DLG5: variants seen among roughly 807,000 people sequenced by gnomAD.
The protein encoded by DLG5 is discs large MAGUK scaffold protein 5, also known as disks large homolog 5.
Under a neutral mutation model 189.8 loss-of-function variants are expected in DLG5, and 48 were observed. That is an observed-to-expected ratio of 0.25 (90% CI 0.20 to 0.32). The LOEUF is 0.32. Ranked by LOEUF, DLG5 falls within the 10% of genes least tolerant of loss-of-function variation. The pLI is 1.00. For synonymous variants in DLG5, 1,016 were observed against 1,054.1 expected (o/e 0.96, Z 0.70); for missense variants, 2,160 against 2,544.7 (o/e 0.85, Z 3.25).
chr10:77,881,421 C>G (rs180702072), intron 1 of DLG5, among the ~76,000 whole-genome samples: 2 of 152,186 alleles, frequency 1.3e-5, no homozygotes, highest in Admixed American at 1.3e-4. Flanking sequence ...GGCCATCTTT[C>G]CAACAGAAGG....
intron 1 of DLG5, among the ~76,000 whole-genome samples, chr10:77,890,313 T>C (rs1589256873): frequency 6.6e-6 from 1 of 152,160 alleles, no homozygotes; most frequent in East Asian, 1.9e-4. Flanking sequence ...CTACCTGTCC[T>C]ACCTCCAAGC....
rs1436397920 is a variant in DLG5 at position 77,853,210 on chromosome 10, C to A, written c.864+144G>T. 33 of 654,772 alleles carry A rather than the reference C, an allele frequency of 5.0e-5. No individual in the cohort carries two copies. The East Asian group carries it at 9.2e-4, about 18-fold the overall frequency. The allele number at this position is 654,772 out of a possible 1,614,324, so 40.6% of individuals were successfully genotyped here. ...GTTGCCCAGGCTCATCTCAAGCAATCTCTCACCTTGGTCTTCCAAAGCGCT... is the reference window on the plus strand; with the variant it reads ...GTTGCCCAGGCTCATCTCAAGCAATATCTCACCTTGGTCTTCCAAAGCGCT... On this transcript the variant is annotated intron_variant, in intron 5 of 31. Transcript: ENST00000372391.
chr10:77,823,003 T>C (rs972896045), intron 14 of DLG5, among the ~76,000 whole-genome samples: 2 of 152,210 alleles, frequency 1.3e-5, no homozygotes, highest in African/African-American at 2.4e-5. Flanking sequence ...TGTCATCACC[T>C]GCATCAAAAC....
chr10:77,809,043 G>A (rs955081664), intron 24 of DLG5, among the ~76,000 whole-genome samples: 3 of 151,486 alleles, frequency 2.0e-5, no homozygotes, highest in East Asian at 3.9e-4. Flanking sequence ...AGGTTGTGGT[G>A]AGTTGAGATT....
rs370602553 is a variant in DLG5, at chr10:77,926,268, T to A, written c.253A>T (p.Ile85Phe). The A allele has an allele frequency of 2.5e-6, 4 of 1,576,812 alleles. No homozygotes were observed. Reference protein sequence around the residue: ...LEKTQPHLLPILYLNGVVGPP... With the variant: ...LEKTQPHLLPFLYLNGVVGPP... ...CCGACGACGCCGTTCAGGTAGAGAA[T>A]GGGCAGCAGGTGAGGCTGCGTCTTC... The change falls in exon 1 of 32, where the codon ATT (isoleucine) becomes TTT (phenylalanine). Residue 85 changes from isoleucine (I) to phenylalanine (F), a missense_variant. Ile to Phe is a conservative substitution (Grantham distance 21). This residue lies in a region of DLG5 where 664 missense variants were observed against 838.5 expected (regional missense o/e 0.79). Coordinates refer to ENST00000372391, the MANE Select transcript of DLG5 (RefSeq NM_004747.4). The surrounding 1 kb of genome is among the most constrained non-coding windows in gnomAD (Gnocchi z 5.2).
At chr10:77,831,087 TA>T (rs1195762281) in intron 9 of DLG5, among the ~76,000 whole-genome samples, 1 of 152,172 alleles carries the variant, frequency 6.6e-6, no homozygotes, top group Non-Finnish European at 1.5e-5. Context: ...TCCCCAAATT[TA>T]TCTAGAGGTT....
chr10:77,869,110 C>T lies in DLG5; in HGVS notation c.373+19G>A. On this transcript the variant is annotated intron_variant, in intron 2 of 31. Transcript: ENST00000372391. Reference sequence around the variant, plus strand: ...GACCCCTGGCCCACCCGGTGTCCTCCCCAGACAGTGGTACTCACCCACACT... The same window carrying T: ...GACCCCTGGCCCACCCGGTGTCCTCTCCAGACAGTGGTACTCACCCACACT... The T allele has an allele frequency of 1.2e-6, 2 of 1,612,402 alleles. No individual in the cohort carries two copies. The highest frequency in any genetic ancestry group is 1.7e-6 in the Non-Finnish European group (2 of 1,178,754).
rs746725536 is a variant in DLG5 at position 77,829,418 on chromosome 10, G to A, written c.2122C>T (p.Arg708Trp). 1.2e-6 allele frequency: 2 copies of A among 1,614,188 alleles called. No homozygotes were observed. The highest frequency in any genetic ancestry group is 1.7e-6 in the Non-Finnish European group (2 of 1,180,028). ...GEGAINMVVR[R>W]RKSLGGKVVT... The stretch of plus-strand genomic sequence containing the variant: ...ACCTTCCCACCCAGGGACTTCCTCC[G>A]CCGCACGACCATGTTGATGGCCCCC... Residue 708 changes from arginine to tryptophan, a missense_variant, in exon 12 of 32, where the codon CGG becomes TGG. Coordinates refer to ENST00000372391, the MANE Select transcript of DLG5 (RefSeq NM_004747.4).
chr10:77,912,199 G>A (rs1846242038), intron 1 of DLG5: 1 of 102,094 alleles, frequency 9.8e-6, no homozygotes, highest in African/African-American at 4.3e-5. Context: ...GTAAGACCCT[G>A]TCTCTTTAAA....
intron 1 of DLG5, among the ~76,000 whole-genome samples, chr10:77,902,878 T>C (rs1057431816): frequency 7.0e-6 from 1 of 143,016 alleles, no homozygotes; most frequent in African/African-American, 2.9e-5. Flanking sequence ...AATAAAAAAA[T>C]AAATAAATAA....
chr10:77,869,320 C>T, intron 1 of DLG5, 123 bp from the exon 2 acceptor site: 5 of 898,866 alleles, frequency 5.6e-6, no homozygotes, highest in Non-Finnish European at 3.5e-6. Flanking sequence ...TAGAAATCCA[C>T]ATCCACGGGC....
chr10:77,883,178 C>G (rs148813145), intron 1 of DLG5, among the ~76,000 whole-genome samples: 1 of 152,244 alleles, frequency 6.6e-6, no homozygotes, highest in African/African-American at 2.4e-5. Context: ...AGGATGGAAG[C>G]AGGGAGAGCC....
At chr10:77,902,732 C>T (rs1464085826) in intron 1 of DLG5, among the ~76,000 whole-genome samples, 2 of 151,974 alleles carry the variant, frequency 1.3e-5, no homozygotes, top group Non-Finnish European at 2.9e-5. Flanking sequence ...TGGTGGCATG[C>T]GCTTGTAGTC....
intron 9 of DLG5, 66 bp from the exon 10 acceptor site, chr10:77,830,939 C>A: frequency 6.4e-7 from 1 of 1,572,614 alleles, no homozygotes; most frequent in East Asian, 2.3e-5. Flanking sequence ...CGTAACGGCT[C>A]TGAACCTCAC....
intron 1 of DLG5, among the ~76,000 whole-genome samples, chr10:77,871,660 A>C (rs973661884): frequency 7.1e-6 from 1 of 141,326 alleles, no homozygotes; most frequent in Admixed American, 7.9e-5. Flanking sequence ...CTCCTGCCCC[A>C]GCCTCCTGAG....
rs1840927215 is a variant in DLG5 at position 77,796,445 on chromosome 10, C to T, written c.5308+6G>A. 2 of 1,614,156 alleles carry T rather than the reference C, an allele frequency of 1.2e-6. No individual in the cohort carries two copies. The highest frequency in any genetic ancestry group is 1.7e-6 in the Non-Finnish European group (2 of 1,180,020). On this transcript the variant is annotated splice_donor_region_variant and intron_variant, in intron 28 of 31. Transcript: ENST00000372391. The surrounding 1 kb of genome is among the most constrained non-coding windows in gnomAD (Gnocchi z 5.2). ...GTAGGCACAGAGGGTGCCCCGTGCC[C>T]CTTACCAAGGGGACATCTGCAGAAC...
intron 5 of DLG5, among the ~76,000 whole-genome samples, chr10:77,844,032 T>C (rs765543353): frequency 2.6e-5 from 4 of 152,168 alleles, no homozygotes; most frequent in Non-Finnish European, 4.4e-5. Context: ...ACCCGAACAG[T>C]AAACAGTTCT....
At chr10:77,882,617 T>C (rs1322357853) in intron 1 of DLG5, among the ~76,000 whole-genome samples, 1 of 151,790 alleles carries the variant, frequency 6.6e-6, no homozygotes, top group African/African-American at 2.4e-5. Flanking sequence ...GAAAAGGAAT[T>C]AAAACGCAAG....
intron 9 of DLG5, 127 bp downstream of exon 9, chr10:77,833,787 A>C: frequency 7.2e-7 from 1 of 1,389,038 alleles, no homozygotes; most frequent in Admixed American, 2.0e-5. Context: ...TGAAGGGACA[A>C]ACAGCCAGCT....
Sources: gnomAD v4.1 joint callset for allele counts (sites outside exome capture counted in the v4.1 genomes callset) on GRCh38, gnomAD v4.1.1 for gene constraint, gnomAD v4.1.1 regional missense constraint, Gnocchi (gnomAD v3.1) non-coding constraint, MANE v1.5 for transcripts, NCBI Gene and HGNC (gene_info 2026-07-23, HGNC 2026-07-21) for gene names.